Variants in SVIL observed in about 807,000 individuals in gnomAD.
SVIL encodes supervillin, also known as archvillin.
SVIL carries 101 observed loss-of-function variants against 240.4 expected under a neutral mutation model. The observed-to-expected ratio is 0.42, with a 90% CI of 0.36 to 0.50. The LOEUF is 0.50. SVIL is among the 20% of genes least tolerant of loss of function. The probability of loss-of-function intolerance (pLI) is 0.01; values close to 1 mark genes in which losing one functional copy is unlikely to be tolerated. For missense variants in SVIL, 2,512 were observed against 2,818.7 expected (o/e 0.89, Z 2.46); for synonymous variants, 999 against 1,100.0 (o/e 0.91, Z 1.82).
At chr10:29,586,041 C>T (rs551290208) in intron 1 of SVIL, among the ~76,000 whole-genome samples, 1 of 152,318 alleles carries the variant, frequency 6.6e-6, no homozygotes, top group South Asian at 2.1e-4. Context: ...GTGCCGTCTT[C>T]ACTAACTTTC....
chr10:29,520,296 A>AT (rs2132520907), intron 16 of SVIL, among the ~76,000 whole-genome samples: 1 of 152,312 alleles, frequency 6.6e-6, no homozygotes, highest in African/African-American at 2.4e-5. Context: ...TCCTTAAATG[A>AT]TCTCTCTTCT....
chr10:29,711,375 G>T (rs1963267267), intron 1 of SVIL, among the ~76,000 whole-genome samples: 1 of 152,128 alleles, frequency 6.6e-6, no homozygotes, highest in African/African-American at 2.4e-5. Flanking sequence ...ACTCCAGCCT[G>T]GGTGACAGAG....
At chr10:29,727,719 A>T (rs1344326615) in intron 1 of SVIL, among the ~76,000 whole-genome samples, 1 of 149,738 alleles carries the variant, frequency 6.7e-6, no homozygotes, top group Non-Finnish European at 1.5e-5. Context: ...GAAAGGAGAA[A>T]TGTGAATTAA....
chr10:29,704,490 G>A (rs1215148106), intron 1 of SVIL, among the ~76,000 whole-genome samples: 1 of 151,948 alleles, frequency 6.6e-6, no homozygotes, highest in East Asian at 1.9e-4. Flanking sequence ...TGGAACTCCT[G>A]GCCTCAAGTG....
intron 1 of SVIL, chr10:29,575,260 A>C (rs1280607880): frequency 5.9e-6 from 1 of 170,220 alleles, no homozygotes; most frequent in South Asian, 1.6e-4. Context: ...ATCTCTCTTA[A>C]GCATATTTGA....
At chr10:29,506,819 G>A (rs1366675642) in intron 17 of SVIL, among the ~76,000 whole-genome samples, 3 of 150,618 alleles carry the variant, frequency 2.0e-5, no homozygotes, top group Non-Finnish European at 4.4e-5. Flanking sequence ...GGGCCTACAG[G>A]GAAGGGACAG....
intron 1 of SVIL, among the ~76,000 whole-genome samples, chr10:29,727,168 A>T (rs1964339365): frequency 6.6e-6 from 1 of 152,236 alleles, no homozygotes; most frequent in African/African-American, 2.4e-5. Flanking sequence ...TAATAATAAC[A>T]TAATAATATA....
In SVIL at chr10:29,632,840, A is replaced by AAC. The variant is rs3030634; in HGVS notation, c.-201+1578_-201+1579dup. 1.3e-3 allele frequency among the ~76,000 whole-genome samples: 189 copies of AAC among 150,916 alleles called. 1 individual carries two copies. Among genetic ancestry groups the AAC allele is most frequent in the East Asian group, 7.5e-3 (38 of 5,078 alleles). On this transcript the variant is annotated intron_variant, in intron 1 of 37. Coordinates refer to ENST00000355867, the MANE Select transcript of SVIL (RefSeq NM_021738.3). ...CAAGGTGACCAAATAAATTATCTTT[A>AAC]ACACACACACACACACACACACAGA...
intron 29 of SVIL, among the ~76,000 whole-genome samples, chr10:29,479,161 T>A (rs529672984): frequency 6.6e-6 from 1 of 152,210 alleles, no homozygotes; most frequent in South Asian, 2.1e-4. Flanking sequence ...GTCTGGTGAC[T>A]GGGATCTTCA....
chr10:29,570,388 A>T, intron 1 of SVIL, among the ~76,000 whole-genome samples: 1 of 152,260 alleles, frequency 6.6e-6, no homozygotes, highest in Non-Finnish European at 1.5e-5. Context: ...GCTGGAAAGC[A>T]GTTCTGATGT....
chr10:29,649,252 T>C (rs543501180), intron 3 of SVIL, among the ~76,000 whole-genome samples: 50 of 152,260 alleles, frequency 3.3e-4, no homozygotes, highest in African/African-American at 1.1e-3. Flanking sequence ...ACTACTAATA[T>C]CATCTTCTCA....
chr10:29,476,128 T>A (rs1363930253), intron 29 of SVIL, among the ~76,000 whole-genome samples: 1 of 152,218 alleles, frequency 6.6e-6, no homozygotes, highest in Non-Finnish European at 1.5e-5. Context: ...AATCCCACAA[T>A]TAATTTGGAA....
chr10:29,591,898 T>C (rs1589340449), intron 1 of SVIL, among the ~76,000 whole-genome samples: 1 of 152,372 alleles, frequency 6.6e-6, no homozygotes, highest in South Asian at 2.1e-4. Flanking sequence ...GCCAGGCATT[T>C]ACCACTGCTA....
At chr10:29,559,418 C>T (rs972016517) in intron 3 of SVIL, among the ~76,000 whole-genome samples, 2 of 152,076 alleles carry the variant, frequency 1.3e-5, no homozygotes, top group African/African-American at 4.8e-5. Context: ...GAGGCCCCTT[C>T]ATCTCTAAAT....
At chr10:29,563,347 G>GA in intron 2 of SVIL, 55 bp from the exon 3 acceptor site, 2 of 830,810 alleles carry the variant, frequency 2.4e-6, no homozygotes, top group Non-Finnish European at 2.9e-6. Flanking sequence ...ATATATAAGT[G>GA]AAAAAATGCA....
intron 2 of SVIL, among the ~76,000 whole-genome samples, chr10:29,683,235 T>C (rs753403122): frequency 2.0e-5 from 3 of 152,004 alleles, no homozygotes; most frequent in Non-Finnish European, 4.4e-5. Flanking sequence ...GCTGAAAGAG[T>C]TAAATTACTG....
At chr10:29,678,121 A>G (rs2132577858) in intron 2 of SVIL, among the ~76,000 whole-genome samples, 1 of 152,232 alleles carries the variant, frequency 6.6e-6, no homozygotes, top group South Asian at 2.1e-4. Flanking sequence ...CAATTTTTCC[A>G]TGAACCAGGG....
At chr10:29,728,078 C>T (rs1456901629) in intron 1 of SVIL, among the ~76,000 whole-genome samples, 5 of 152,222 alleles carry the variant, frequency 3.3e-5, no homozygotes, top group East Asian at 1.9e-4. Context: ...GCATCCCTAG[C>T]GAGGCTTTTG....
intron 1 of SVIL, among the ~76,000 whole-genome samples, chr10:29,725,253 T>A (rs964145852): frequency 6.6e-6 from 1 of 152,006 alleles, no homozygotes; most frequent in Admixed American, 6.6e-5. Context: ...AGAGGACCGC[T>A]CTTGTGTCCT....
Sources: allele counts gnomAD v4.1 joint callset (sites outside exome capture counted in the v4.1 genomes callset), GRCh38; gene constraint gnomAD v4.1.1; transcripts MANE v1.5; gene names NCBI Gene and HGNC (gene_info 2026-07-23, HGNC 2026-07-21).